ARL15: variants seen among roughly 807,000 people sequenced by gnomAD.
ARL15 encodes the protein ARF like GTPase 15.
A neutral mutation model predicts 25.2 loss-of-function variants in ARL15; 19 were observed. That is an observed-to-expected ratio of 0.75 (90% CI 0.53 to 1.10). The LOEUF (loss-of-function observed/expected upper bound fraction) is 1.10, where lower values mean the gene tolerates loss of function less well. Among genes scored for constraint, ARL15 ranks in the 50% least tolerant of loss-of-function variants. The pLI is 0.00. For synonymous variants in ARL15, 94 were observed against 86.8 expected (o/e 1.08, Z -0.46); for missense variants, 220 against 246.0 (o/e 0.89, Z 0.71).
intron 1 of ARL15, among the ~76,000 whole-genome samples, chr5:54,293,291 C>T (rs1422158550): frequency 6.6e-6 from 1 of 152,172 alleles, no homozygotes; most frequent in East Asian, 1.9e-4. Flanking sequence ...TCAACCATGT[C>T]TAAAGGCAGT....
intron 1 of ARL15, among the ~76,000 whole-genome samples, chr5:54,198,878 G>A (rs1162132871): frequency 2.0e-5 from 3 of 152,050 alleles, no homozygotes; most frequent in East Asian, 3.9e-4. Flanking sequence ...GAGGCATCAC[G>A]CTATCTGACT....
At chr5:54,161,864 G>A (rs1754409485) in intron 2 of ARL15, among the ~76,000 whole-genome samples, 1 of 152,066 alleles carries the variant, frequency 6.6e-6, no homozygotes, top group Non-Finnish European at 1.5e-5. Context: ...CTTCCACACT[G>A]AAGTCTACAT....
chr5:54,228,004 A>G (rs1383803238), intron 1 of ARL15, among the ~76,000 whole-genome samples: 1 of 152,190 alleles, frequency 6.6e-6, no homozygotes, highest in Non-Finnish European at 1.5e-5. Context: ...TCAAACCAAG[A>G]GAAAGACAAG....
At chr5:53,934,833 C>T (rs994389915) in intron 4 of ARL15, among the ~76,000 whole-genome samples, 1 of 152,188 alleles carries the variant, frequency 6.6e-6, no homozygotes, top group Non-Finnish European at 1.5e-5. Context: ...GCACAGTATA[C>T]ATCTTTCTTT....
At chr5:54,115,128 C>T (rs1031148831) in intron 3 of ARL15, among the ~76,000 whole-genome samples, 2 of 152,206 alleles carry the variant, frequency 1.3e-5, no homozygotes, top group South Asian at 2.1e-4. Context: ...TCCTACATAT[C>T]GAGTCCTTTC....
intron 4 of ARL15, among the ~76,000 whole-genome samples, chr5:53,939,385 A>T (rs962131532): frequency 6.6e-6 from 1 of 152,136 alleles, no homozygotes; most frequent in African/African-American, 2.4e-5. Flanking sequence ...TCTTCTCTTC[A>T]CAAATTTTTG....
At chr5:54,096,634 C>T (rs1752295877) in intron 4 of ARL15, among the ~76,000 whole-genome samples, 1 of 152,178 alleles carries the variant, frequency 6.6e-6, no homozygotes, top group Non-Finnish European at 1.5e-5. Context: ...TGGTCTCAAA[C>T]TCCTGACCTC....
intron 1 of ARL15, among the ~76,000 whole-genome samples, chr5:54,240,781 G>A (rs404505): frequency 6.6e-6 from 1 of 151,886 alleles, no homozygotes; most frequent in Non-Finnish European, 1.5e-5. Flanking sequence ...ACAAAGCTCC[G>A]AAATCTGAAA....
intron 1 of ARL15, among the ~76,000 whole-genome samples, chr5:54,233,791 G>A (rs977496218): frequency 2.6e-5 from 4 of 152,116 alleles, no homozygotes; most frequent in South Asian, 2.1e-4. Context: ...TCATAGCTGC[G>A]TGGGGTTGAA....
intron 1 of ARL15, among the ~76,000 whole-genome samples, chr5:54,181,448 A>G (rs1755053611): frequency 6.6e-6 from 1 of 152,216 alleles, no homozygotes; most frequent in Non-Finnish European, 1.5e-5. Flanking sequence ...GCAAAGTAAT[A>G]CAATTTAAAG....
At chr5:54,141,933 T>C (rs1181431671) in intron 3 of ARL15, among the ~76,000 whole-genome samples, 1 of 152,210 alleles carries the variant, frequency 6.6e-6, no homozygotes. Context: ...AGTATTCTAT[T>C]ATACAGATGT....
At position 54,237,629 on chromosome 5, in the gene ARL15, G is replaced by A. The variant is rs554372275; in HGVS notation, c.49-65701C>T. ...GACTATTAATAAAGTCAGTAAAAACGCATCAAGAATAACACAATCTGAAAC... is the reference window on the plus strand; with the variant it reads ...GACTATTAATAAAGTCAGTAAAAACACATCAAGAATAACACAATCTGAAAC... On this transcript the variant is annotated intron_variant, in intron 1 of 4. Transcript: ENST00000504924. Among the ~76,000 whole-genome samples, 49 of 152,224 alleles carry A rather than the reference G, an allele frequency of 3.2e-4. No individual in the cohort carries two copies. In the South Asian group the frequency reaches 6.2e-3, roughly 19 times the overall value.
At chr5:53,942,426 T>C (rs758525496) in intron 4 of ARL15, among the ~76,000 whole-genome samples, 10 of 152,058 alleles carry the variant, frequency 6.6e-5, no homozygotes, top group Non-Finnish European at 1.2e-4. Flanking sequence ...GACTCATCAG[T>C]TTATAGGCAT....
chr5:54,131,694 T>A (rs1360862708), intron 3 of ARL15, among the ~76,000 whole-genome samples: 1 of 152,206 alleles, frequency 6.6e-6, no homozygotes, highest in South Asian at 2.1e-4. Flanking sequence ...GAAACTTTTA[T>A]GTGCCAAGTA....
chr5:53,970,376 T>C (rs1665858155), intron 4 of ARL15, among the ~76,000 whole-genome samples: 1 of 152,180 alleles, frequency 6.6e-6, no homozygotes, highest in Admixed American at 6.5e-5. Context: ...GAAACCAAAA[T>C]CATGTTTTCT....
intron 4 of ARL15, among the ~76,000 whole-genome samples, chr5:53,996,307 G>A (rs1748668522): frequency 6.6e-6 from 1 of 152,112 alleles, no homozygotes; most frequent in Non-Finnish European, 1.5e-5. Flanking sequence ...ATGCATGTGT[G>A]ATCATACTCA....
At chr5:53,960,597 C>T (rs1264644091) in intron 4 of ARL15, among the ~76,000 whole-genome samples, 2 of 152,108 alleles carry the variant, frequency 1.3e-5, no homozygotes, top group Non-Finnish European at 1.5e-5. Flanking sequence ...AGTAAAGAGA[C>T]GTCAAGATGT....
intron 4 of ARL15, among the ~76,000 whole-genome samples, chr5:54,017,094 G>A (rs542902681): frequency 1.1e-4 from 16 of 152,302 alleles, no homozygotes; most frequent in Non-Finnish European, 2.2e-4. Flanking sequence ...GCCCTGTGTT[G>A]CATCCAGCTC....
intron 3 of ARL15, among the ~76,000 whole-genome samples, chr5:54,148,001 A>G (rs1216252783): frequency 6.6e-6 from 1 of 152,204 alleles, no homozygotes; most frequent in Non-Finnish European, 1.5e-5. Flanking sequence ...GGGATGATGC[A>G]TAATATACAT....
Sources: allele counts gnomAD v4.1 joint callset (sites outside exome capture counted in the v4.1 genomes callset), GRCh38; gene constraint gnomAD v4.1.1; transcripts MANE v1.5; gene names NCBI Gene and HGNC (gene_info 2026-07-23, HGNC 2026-07-21).